INPP5D: variants seen among roughly 807,000 people sequenced by gnomAD.
INPP5D encodes the protein inositol polyphosphate-5-phosphatase D.
Under a neutral mutation model 122.9 loss-of-function variants are expected in INPP5D, and 33 were observed. That is an observed-to-expected ratio of 0.27 (90% confidence interval 0.20 to 0.36). The LOEUF (loss-of-function observed/expected upper bound fraction) is 0.36, where lower values mean the gene tolerates loss of function less well. INPP5D is among the 10% of genes least tolerant of loss of function. The probability of loss-of-function intolerance (pLI) is 1.00; values close to 1 mark genes in which losing one functional copy is unlikely to be tolerated. For missense variants in INPP5D, 1,053 were observed against 1,412.7 expected (o/e 0.75, Z 4.08); for synonymous variants, 584 against 576.2 (o/e 1.01, Z -0.19).
intron 17 of INPP5D, among the ~76,000 whole-genome samples, chr2:233,176,047 A>G (rs1301111594): frequency 6.6e-6 from 1 of 152,194 alleles, no homozygotes; most frequent in Non-Finnish European, 1.5e-5. Context: ...ATTGAAGGAG[A>G]TGACAGAGAT....
At chr2:233,130,761 C>CA in intron 5 of INPP5D, 113 bp downstream of exon 5, 1 of 1,110,646 alleles carries the variant, frequency 9.0e-7, no homozygotes, top group Non-Finnish European at 1.3e-6. Context: ...CTGCCGCACT[C>CA]ACAATAATTG....
At chr2:233,162,991 G>A (rs546845413) in intron 11 of INPP5D, among the ~76,000 whole-genome samples, 133 of 152,320 alleles carry the variant, frequency 8.7e-4, no homozygotes, top group African/African-American at 3.0e-3. Context: ...CAGGAGGGCC[G>A]GGGACCCACC....
At chr2:233,192,704 T>C (rs1695085133) in intron 22 of INPP5D, among the ~76,000 whole-genome samples, 1 of 152,264 alleles carries the variant, frequency 6.6e-6, no homozygotes, top group Non-Finnish European at 1.5e-5. Flanking sequence ...GATGAATCTC[T>C]TTGTGGACAT....
intron 9 of INPP5D, among the ~76,000 whole-genome samples, chr2:233,153,509 A>G (rs142179672): frequency 0.031 from 4,742 of 152,282 alleles, 193 homozygotes; most frequent in East Asian, 0.22. Context: ...AGTCACTTGT[A>G]GGAACCAAAA....
intron 2 of INPP5D, among the ~76,000 whole-genome samples, chr2:233,102,619 C>T (rs879301411): frequency 1.9e-4 from 29 of 152,022 alleles, no homozygotes; most frequent in Non-Finnish European, 3.7e-4. Flanking sequence ...GAGGCCGAGG[C>T]GGGCAGATCA....
Position 233,164,050 on chromosome 2 carries a change from C to G in INPP5D, c.1437+147C>G. On this transcript the variant is annotated intron_variant, in intron 12 of 26. Coordinates refer to ENST00000445964, the MANE Select transcript of INPP5D (RefSeq NM_001017915.3). The surrounding 1 kb of genome is among the most constrained non-coding windows in gnomAD (Gnocchi z 4.3). ...CCCCACTGAGAGATGCGTCTGTATTCAGAAATAAATGGGATCTGTGGGGTA... is the reference window on the plus strand; with the variant it reads ...CCCCACTGAGAGATGCGTCTGTATTGAGAAATAAATGGGATCTGTGGGGTA... The G allele has an allele frequency of 7.1e-7, 1 of 1,416,138 alleles. No homozygotes were observed. Among genetic ancestry groups the G allele is most frequent in the Non-Finnish European group, 9.3e-7 (1 of 1,075,876 alleles). 87.7% of individuals were successfully genotyped at this position (1,416,138 alleles called of 1,614,324 possible).
intron 2 of INPP5D, among the ~76,000 whole-genome samples, chr2:233,088,799 G>A (rs909654357): frequency 1.3e-5 from 2 of 152,192 alleles, no homozygotes; most frequent in Non-Finnish European, 2.9e-5. Flanking sequence ...AAGGAGAAAG[G>A]GCTGAGACTT....
chr2:233,140,067 T>A (rs1297304819), intron 6 of INPP5D, 138 bp downstream of exon 6: 2 of 387,566 alleles, frequency 5.2e-6, no homozygotes, highest in African/African-American at 2.1e-5. Context: ...CAGGTACGCA[T>A]GGGTTGGGGG....
Position 233,193,832 on chromosome 2 carries a change from C to T in INPP5D, c.2467C>T (p.Arg823Trp), listed in dbSNP as rs368419027. 160 of 1,613,962 alleles carry T rather than the reference C, an allele frequency of 9.9e-5. No individual in the cohort carries two copies. The African/African-American group carries it at 1.6e-3, about 16-fold the overall frequency. ...ESYGEGCIALRLEATETQLPI... is the reference protein window; with the variant it reads ...ESYGEGCIALWLEATETQLPI... ...TGCAGGCGAGGGCTGCATTGCCCTT[C>T]GGTTAGAGGCCACAGAAACGCAGCT... Residue 823 changes from arginine (R) to tryptophan (W), a missense_variant, in exon 23 of 27, where the codon CGG (arginine) becomes TGG (tryptophan). Transcript: ENST00000445964.
chr2:233,083,902 C>A (rs1171177503), intron 2 of INPP5D, among the ~76,000 whole-genome samples: 2 of 152,200 alleles, frequency 1.3e-5, no homozygotes, highest in African/African-American at 4.8e-5. Context: ...TCCTTCCCAC[C>A]GAGAGGAATA....
rs745767549 is a variant in INPP5D, at chr2:233,206,789, T to G, written c.*81T>G. The stretch of plus-strand genomic sequence containing the variant: ...TGGACCCTCTCCCGGGACCTCCTGC[T>G]GGCTCCTCCTGCCCAGCTTCCTATG... On this transcript the variant is annotated 3_prime_UTR_variant, in exon 27 of 27. Transcript: ENST00000445964. The surrounding 1 kb of genome is among the most constrained non-coding windows in gnomAD (Gnocchi z 4.0). 1 of 724,186 alleles carries G rather than the reference T, an allele frequency of 1.4e-6. No homozygotes were observed. The allele number at this position is 724,186 out of a possible 1,614,324, so 44.9% of individuals were successfully genotyped here.
At position 233,128,065 on chromosome 2, in the gene INPP5D, G is replaced by A. The variant is rs535165892; in HGVS notation, c.524+2146G>A. Among the ~76,000 whole-genome samples, 2 of 152,328 alleles carry A rather than the reference G, an allele frequency of 1.3e-5. No individual in the cohort carries two copies. Among genetic ancestry groups the A allele is most frequent in the East Asian group, 1.9e-4 (1 of 5,186 alleles). ...AACTGGGTGGCAGCAGGAGGTGAGC[G>A]GAGGGCAAGCGAGCATTACCACCTG... On this transcript the variant is annotated intron_variant, in intron 4 of 26. Transcript: ENST00000445964. This position sits in a 1 kb window ranked among gnomAD's most constrained non-coding sequence, Gnocchi z 4.5.
At chr2:233,126,041 C>T in intron 4 of INPP5D, 122 bp downstream of exon 4, 3 of 970,634 alleles carry the variant, frequency 3.1e-6, no homozygotes, top group Non-Finnish European at 3.0e-6. Flanking sequence ...ATGGGGAGGT[C>T]TCCAGAGAAG....
chr2:233,158,807 G>A (rs145579957), intron 10 of INPP5D, among the ~76,000 whole-genome samples: 9,007 of 152,072 alleles, frequency 0.059, 893 homozygotes, highest in African/African-American at 0.21. Context: ...TTGAGACAGC[G>A]TCTCGCTTTA....
chr2:233,107,805 C>T (rs537110326), intron 2 of INPP5D, among the ~76,000 whole-genome samples: 135 of 152,194 alleles, frequency 8.9e-4, no homozygotes, highest in African/African-American at 3.1e-3. Context: ...CCCCAGCTGG[C>T]GGGTGGTTGG....
chr2:233,086,153 C>CTTTCTTTCTTTCTT, intron 2 of INPP5D, among the ~76,000 whole-genome samples: 1 of 144,924 alleles, frequency 6.9e-6, no homozygotes, highest in Middle Eastern at 3.5e-3. Flanking sequence ...TTCTTTCTTT[C>CTTTCTTTCTTTCTT]TTTCTTTCTT....
chr2:233,143,385 T>A (rs987495914), intron 6 of INPP5D, among the ~76,000 whole-genome samples: 36 of 152,330 alleles, frequency 2.4e-4, no homozygotes, highest in Non-Finnish European at 4.6e-4. Context: ...CATTGGTGAC[T>A]GCCCGGGGTG....
chr2:233,133,025 C>T (rs2106266395), intron 5 of INPP5D, among the ~76,000 whole-genome samples: 1 of 151,614 alleles, frequency 6.6e-6, no homozygotes, highest in East Asian at 1.9e-4. Context: ...ATCCTTGAGT[C>T]CCCCCACTCA....
At chr2:233,155,675 C>T (rs140645008) in intron 9 of INPP5D, among the ~76,000 whole-genome samples, 7,723 of 150,266 alleles carry the variant, frequency 0.051, 666 homozygotes, top group African/African-American at 0.18. Context: ...ATAAATAAGA[C>T]GAGTTCAGGA....
Sources: allele counts gnomAD v4.1 joint callset (sites outside exome capture counted in the v4.1 genomes callset), GRCh38; gene constraint gnomAD v4.1.1; non-coding constraint Gnocchi (gnomAD v3.1); transcripts MANE v1.5; gene names NCBI Gene and HGNC (gene_info 2026-07-23, HGNC 2026-07-21).